Variants in TCF7L2 observed in about 807,000 individuals in gnomAD.
The protein encoded by TCF7L2 is transcription factor 7-like 2.
Under a neutral mutation model 77.9 loss-of-function variants are expected in TCF7L2, and 23 were observed. The ratio of observed to expected loss-of-function variants is 0.30; its 90% confidence interval spans 0.21 to 0.42. The LOEUF (loss-of-function observed/expected upper bound fraction) is 0.42. Ranked by LOEUF, TCF7L2 falls within the 10% of genes least tolerant of loss-of-function variation. TCF7L2 has a pLI of 1.00. For missense variants in TCF7L2, 654 were observed against 793.1 expected, an observed-to-expected ratio of 0.82 and a Z score of 2.11; for synonymous variants, 413 against 340.2, an observed-to-expected ratio of 1.21 and a Z score of -2.36.
At chr10:113,089,582 C>G in intron 5 of TCF7L2, 8 of 1,603,292 alleles carry the variant, frequency 5.0e-6, no homozygotes, top group Non-Finnish European at 6.8e-6. Context: ...TGAGCTAGCT[C>G]TAAAATGAAG....
At chr10:113,130,061 A>G (rs940329530) in intron 5 of TCF7L2, 3 of 1,031,736 alleles carry the variant, frequency 2.9e-6, no homozygotes, top group African/African-American at 4.4e-5. Context: ...GGTATTGACC[A>G]TTAAACCTAT....
At chr10:113,157,897 G>C (rs1195930144) in intron 11 of TCF7L2, 124 bp from the exon 12 acceptor site, 13 of 993,278 alleles carry the variant, frequency 1.3e-5, no homozygotes, top group African/African-American at 1.1e-4. Context: ...AAATACCGGG[G>C]GTTTGTGTGG....
At chr10:113,075,525 AT>A (rs1284244821) in intron 5 of TCF7L2, among the ~76,000 whole-genome samples, 6 of 151,968 alleles carry the variant, frequency 3.9e-5, no homozygotes, top group Non-Finnish European at 7.4e-5. Flanking sequence ...TTGCAAATGT[AT>A]TTTTTTTAAT....
chr10:112,977,280 G>A (rs952108547), intron 4 of TCF7L2, among the ~76,000 whole-genome samples: 4 of 152,174 alleles, frequency 2.6e-5, no homozygotes, highest in Admixed American at 1.3e-4. Context: ...TAGGGGTACT[G>A]GAAGATTCTT....
At chr10:113,123,353 G>A (rs2065087146) in intron 5 of TCF7L2, among the ~76,000 whole-genome samples, 1 of 152,210 alleles carries the variant, frequency 6.6e-6, no homozygotes, top group Non-Finnish European at 1.5e-5. Context: ...GCTCTGGATT[G>A]ATAAAGCAAA....
chr10:113,093,239 G>A (rs903184038), intron 5 of TCF7L2, among the ~76,000 whole-genome samples: 3 of 152,196 alleles, frequency 2.0e-5, no homozygotes, highest in Non-Finnish European at 4.4e-5. Context: ...GGGAGGTGGT[G>A]TGATTATTCC....
intron 4 of TCF7L2, among the ~76,000 whole-genome samples, chr10:113,034,760 G>A (rs1306561828): frequency 1.3e-5 from 2 of 152,104 alleles, no homozygotes; most frequent in Non-Finnish European, 2.9e-5. Flanking sequence ...GCCTGGCGTG[G>A]TGATACGCGC....
At chr10:113,036,118 T>C (rs199564475) in intron 4 of TCF7L2, among the ~76,000 whole-genome samples, 4 of 3,206 alleles carry the variant, frequency 1.2e-3, no homozygotes, top group South Asian at 6.0e-3. Flanking sequence ...ATCATCACCA[T>C]CATCATCATC....
intron 4 of TCF7L2, among the ~76,000 whole-genome samples, chr10:113,022,918 T>C (rs752537356): frequency 4.6e-5 from 7 of 152,222 alleles, no homozygotes; most frequent in Non-Finnish European, 1.0e-4. Flanking sequence ...ACTTGGCATG[T>C]ATTAGGCACT....
chr10:113,004,045 C>T (rs1365852922), intron 4 of TCF7L2, among the ~76,000 whole-genome samples: 1 of 152,144 alleles, frequency 6.6e-6, no homozygotes, highest in Admixed American at 6.5e-5. Context: ...AGAAACAGAG[C>T]CCTAGGTAGC....
intron 5 of TCF7L2, among the ~76,000 whole-genome samples, chr10:113,117,966 C>T: frequency 8.4e-6 from 1 of 119,158 alleles, no homozygotes; most frequent in Non-Finnish European, 1.7e-5. Flanking sequence ...TGCTCGCCCC[C>T]ACCCCCCGCC....
At chr10:113,092,481 G>A (rs927300016) in intron 5 of TCF7L2, among the ~76,000 whole-genome samples, 9 of 152,202 alleles carry the variant, frequency 5.9e-5, no homozygotes, top group African/African-American at 2.2e-4. Context: ...ACAACCTGAT[G>A]GTGTGTCTGT....
chr10:113,116,653 G>A (rs1251549131), intron 5 of TCF7L2, among the ~76,000 whole-genome samples: 3 of 65,004 alleles, frequency 4.6e-5, no homozygotes, highest in Admixed American at 3.0e-4. Context: ...CTTCCCCCCC[G>A]CCCGCCCCAA....
chr10:113,029,684 G>A (rs1008668647), intron 4 of TCF7L2, among the ~76,000 whole-genome samples: 1 of 151,878 alleles, frequency 6.6e-6, no homozygotes, highest in African/African-American at 2.4e-5. Context: ...GCGCCACCAC[G>A]TCCAGCTAAT....
intron 5 of TCF7L2, among the ~76,000 whole-genome samples, chr10:113,082,058 G>A (rs559652296): frequency 6.6e-5 from 10 of 151,290 alleles, no homozygotes; most frequent in South Asian, 2.1e-4. Flanking sequence ...GGCTGGTCTC[G>A]AACTCTTGAC....
At chr10:113,028,955 A>G (rs1445699841) in intron 4 of TCF7L2, among the ~76,000 whole-genome samples, 2 of 152,236 alleles carry the variant, frequency 1.3e-5, no homozygotes. Context: ...TGGTAGACCT[A>G]AAATTTCTGG....
At chr10:112,983,661 A>G (rs1589984709) in intron 4 of TCF7L2, among the ~76,000 whole-genome samples, 1 of 152,216 alleles carries the variant, frequency 6.6e-6, no homozygotes, top group African/African-American at 2.4e-5. Flanking sequence ...ACAGCCTCCA[A>G]TTTGCCTCAA....
chr10:113,101,852 A>AAAAAAAAAAAT (rs2061679484), intron 5 of TCF7L2, among the ~76,000 whole-genome samples: 1 of 145,766 alleles, frequency 6.9e-6, no homozygotes, highest in Non-Finnish European at 1.5e-5. Flanking sequence ...CAAAAAAAAA[A>AAAAAAAAAAAT]AAAAAGAGAG....
rs375305368 is a variant in TCF7L2 at position 112,957,748 on chromosome 10, A to G, written c.381+6141A>G. ...CTACCTAGCCACAGATGTGTTTCCT[A>G]TCAGTTACTGTGTAAGCATCTGAGG... On this transcript the variant is annotated intron_variant, in intron 3 of 13. Coordinates refer to ENST00000627217, the MANE Select transcript of TCF7L2 (RefSeq NM_001146274.2). Among the ~76,000 whole-genome samples, 14 of 152,116 alleles carry G rather than the reference A, an allele frequency of 9.2e-5. No individual in the cohort carries two copies. The East Asian group carries it at 9.6e-4, about 10-fold the overall frequency.
Sources: allele counts gnomAD v4.1 joint callset (sites outside exome capture counted in the v4.1 genomes callset), GRCh38; gene constraint gnomAD v4.1.1; transcripts MANE v1.5; gene names NCBI Gene and HGNC (gene_info 2026-07-23, HGNC 2026-07-21).